LSAMP: variants seen among roughly 807,000 people sequenced by gnomAD.
LSAMP encodes limbic system-associated membrane protein.
Under a neutral mutation model 38.6 loss-of-function variants are expected in LSAMP, and 7 were observed. The ratio of observed to expected loss-of-function variants is 0.18; its 90% CI spans 0.10 to 0.34. The LOEUF is 0.34. Ranked by LOEUF, LSAMP falls within the 10% of genes least tolerant of loss-of-function variation. The pLI is 1.00. For synonymous variants in LSAMP, 154 were observed against 166.8 expected (o/e 0.92, Z 0.59); for missense variants, 313 against 420.0 (o/e 0.75, Z 2.23).
At chr3:115,865,944 C>G (rs1439758631) in intron 3 of LSAMP, among the ~76,000 whole-genome samples, 1 of 152,162 alleles carries the variant, frequency 6.6e-6, no homozygotes, top group Non-Finnish European at 1.5e-5. Flanking sequence ...GCCTTGAGCT[C>G]AATTCCCATT....
intron 3 of LSAMP, among the ~76,000 whole-genome samples, chr3:115,920,703 G>A (rs943839088): frequency 3.9e-5 from 6 of 152,022 alleles, no homozygotes; most frequent in African/African-American, 1.2e-4. Flanking sequence ...TGTCTGTTAG[G>A]TCCATTTGGG....
Position 116,422,986 on chromosome 3 carries a change from A to G in LSAMP, c.155+21891T>C, listed in dbSNP as rs143042714. Among the ~76,000 whole-genome samples, 4 of 152,294 alleles carry G rather than the reference A, an allele frequency of 2.6e-5. No individual in the cohort carries two copies. The East Asian group carries it at 7.7e-4, about 29-fold the overall frequency. On this transcript the variant is annotated intron_variant, in intron 1 of 6. Coordinates refer to ENST00000490035, the MANE Select transcript of LSAMP (RefSeq NM_002338.5). ...TTTACTGCTTTCCTCTTCAATCAGA[A>G]TGTAAGCCCCGTGAGAGTTGTTACT...
At chr3:116,190,928 A>T (rs1710740789) in intron 1 of LSAMP, among the ~76,000 whole-genome samples, 2 of 152,344 alleles carry the variant, frequency 1.3e-5, no homozygotes, top group South Asian at 4.1e-4. Context: ...AGGGTGGAAC[A>T]AAATAGTTGA....
At chr3:116,125,659 C>T (rs2864070) in intron 1 of LSAMP, among the ~76,000 whole-genome samples, 151,151 of 152,300 alleles carry the variant, frequency 0.99, 75,016 homozygotes, top group Middle Eastern at 1. Context: ...TGGAAGAACA[C>T]TTTGTAAACT....
At chr3:116,148,171 G>A (rs1217040885) in intron 1 of LSAMP, among the ~76,000 whole-genome samples, 1 of 148,568 alleles carries the variant, frequency 6.7e-6, no homozygotes, top group Admixed American at 6.7e-5. Context: ...TGTTCTCTCA[G>A]AGGTTAGTTA....
At chr3:115,942,813 C>T (rs912907189) in intron 3 of LSAMP, among the ~76,000 whole-genome samples, 8 of 152,114 alleles carry the variant, frequency 5.3e-5, no homozygotes, top group African/African-American at 1.9e-4. Flanking sequence ...TGGATAAAAA[C>T]CTATCTTGAA....
chr3:115,889,994 A>C (rs1340866115), intron 3 of LSAMP, among the ~76,000 whole-genome samples: 5 of 152,024 alleles, frequency 3.3e-5, no homozygotes, highest in Non-Finnish European at 7.4e-5. Context: ...TATTGTTTGC[A>C]GACACTGCAT....
chr3:115,994,630 G>A (rs918581014), intron 3 of LSAMP, among the ~76,000 whole-genome samples: 3 of 151,870 alleles, frequency 2.0e-5, no homozygotes, highest in Non-Finnish European at 4.4e-5. Flanking sequence ...TACTGGTAGT[G>A]GAATGTCTTG....
intron 2 of LSAMP, among the ~76,000 whole-genome samples, chr3:116,033,313 A>G (rs1345043158): frequency 6.6e-6 from 1 of 152,126 alleles, no homozygotes; most frequent in Non-Finnish European, 1.5e-5. Context: ...TAAATCCCAA[A>G]TGGGGCAAGC....
chr3:116,138,140 T>C (rs1291274226), intron 1 of LSAMP, among the ~76,000 whole-genome samples: 1 of 152,134 alleles, frequency 6.6e-6, no homozygotes, highest in Admixed American at 6.6e-5. Context: ...GAACAAGGAC[T>C]GCACTTTGAA....
intron 3 of LSAMP, among the ~76,000 whole-genome samples, chr3:115,926,539 G>A (rs1194572484): frequency 6.6e-6 from 1 of 152,136 alleles, no homozygotes; most frequent in East Asian, 1.9e-4. Context: ...TGAACATCTG[G>A]TGGAGCCTTT....
intron 1 of LSAMP, among the ~76,000 whole-genome samples, chr3:116,181,940 T>C (rs1042714417): frequency 2.2e-4 from 34 of 151,948 alleles, no homozygotes; most frequent in African/African-American, 6.3e-4. Flanking sequence ...TTTCAGTCTA[T>C]CCAATGATTG....
intron 1 of LSAMP, among the ~76,000 whole-genome samples, chr3:116,296,737 G>T (rs2047340750): frequency 1.4e-5 from 2 of 146,896 alleles, no homozygotes; most frequent in South Asian, 2.2e-4. Flanking sequence ...ACCCATAAAG[G>T]TCTACTGAGG....
intron 1 of LSAMP, among the ~76,000 whole-genome samples, chr3:116,254,533 T>C (rs2046725863): frequency 6.6e-6 from 1 of 152,182 alleles, no homozygotes; most frequent in Non-Finnish European, 1.5e-5. Flanking sequence ...TTCCACCATA[T>C]CTGCCTCTCA....
chr3:116,080,605 A>T (rs893407802), intron 2 of LSAMP, among the ~76,000 whole-genome samples: 3 of 152,362 alleles, frequency 2.0e-5, no homozygotes, highest in Middle Eastern at 3.4e-3. Flanking sequence ...TTAACTAAAA[A>T]GTTTCAGTTC....
intron 3 of LSAMP, among the ~76,000 whole-genome samples, chr3:115,861,178 C>T (rs919840096): frequency 1.5e-5 from 2 of 135,894 alleles, no homozygotes; most frequent in East Asian, 2.2e-4. Context: ...TCCTTCCTTC[C>T]TTCCTTCCTT....
At chr3:115,924,056 A>G (rs563350029) in intron 3 of LSAMP, among the ~76,000 whole-genome samples, 1 of 152,244 alleles carries the variant, frequency 6.6e-6, no homozygotes, top group East Asian at 1.9e-4. Context: ...AATTGTGTAG[A>G]GCAGTTTTGC....
chr3:115,860,023 G>C (rs573290824), intron 3 of LSAMP, among the ~76,000 whole-genome samples: 39 of 152,316 alleles, frequency 2.6e-4, no homozygotes, highest in Non-Finnish European at 5.1e-4. Context: ...ACATTGTAAG[G>C]CTTTACCACT....
At chr3:116,093,776 G>A (rs536949947) in intron 1 of LSAMP, among the ~76,000 whole-genome samples, 1 of 152,154 alleles carries the variant, frequency 6.6e-6, no homozygotes, top group African/African-American at 2.4e-5. Flanking sequence ...TGTAAGATAT[G>A]GAAAGATTCA....
Sources: allele counts gnomAD v4.1 joint callset (sites outside exome capture counted in the v4.1 genomes callset), GRCh38; gene constraint gnomAD v4.1.1; transcripts MANE v1.5; gene names NCBI Gene and HGNC (gene_info 2026-07-23, HGNC 2026-07-21).